Variants in PACSIN2 observed in about 807,000 individuals in gnomAD.
PACSIN2 encodes the protein protein kinase C and casein kinase substrate in neurons 2.
Under a neutral mutation model 63.8 loss-of-function variants are expected in PACSIN2, and 25 were observed. The ratio of observed to expected loss-of-function variants is 0.39; its 90% CI spans 0.29 to 0.55. PACSIN2 has a LOEUF of 0.55. Ranked by LOEUF, PACSIN2 falls within the 20% of genes least tolerant of loss-of-function variation. PACSIN2 has a pLI of 0.62. For missense variants in PACSIN2, 518 were observed against 646.9 expected (o/e 0.80, Z 2.16); for synonymous variants, 255 against 256.2 (o/e 1.00, Z 0.05).
At chr22:42,919,118 A>G (rs1931998094) in intron 1 of PACSIN2, among the ~76,000 whole-genome samples, 1 of 152,212 alleles carries the variant, frequency 6.6e-6, no homozygotes, top group Non-Finnish European at 1.5e-5. Flanking sequence ...TTAATGCAAA[A>G]AATATGTAAA....
chr22:42,953,564 G>A (rs1933790803), intron 1 of PACSIN2, among the ~76,000 whole-genome samples: 1 of 152,082 alleles, frequency 6.6e-6, no homozygotes, highest in African/African-American at 2.4e-5. Flanking sequence ...CAGAGGAAGG[G>A]AATTTATCTA....
At position 42,871,570 on chromosome 22, in the gene PACSIN2, C is replaced by A. The variant is rs1293246742; in HGVS notation, c.1349-101G>T. The stretch of plus-strand genomic sequence containing the variant: ...TTTGAGCCCACAGAGGGTGGAGGGC[C>A]AGGCATTCTGTGGCGGGCAGGCCGA... On this transcript the variant is annotated intron_variant, in intron 10 of 10. Transcript: ENST00000263246. The surrounding 1 kb of genome is among the most constrained non-coding windows in gnomAD (Gnocchi z 5.4). 3.3e-6 allele frequency: 3 copies of A among 918,102 alleles called. No individual in the cohort carries two copies. The highest frequency in any genetic ancestry group is 2.5e-5 in the East Asian group (1 of 40,662). 56.9% of individuals were successfully genotyped at this position (918,102 alleles called of 1,614,324 possible). A position where few individuals can be genotyped will look rare whatever the true frequency, so the allele number is the denominator to read the frequency against.
At chr22:42,924,978 C>G (rs1319822132) in intron 1 of PACSIN2, among the ~76,000 whole-genome samples, 1 of 151,504 alleles carries the variant, frequency 6.6e-6, no homozygotes, top group Non-Finnish European at 1.5e-5. Flanking sequence ...AGGATGATCT[C>G]GATCTCCTGA....
At chr22:42,884,272 G>A in intron 6 of PACSIN2, 114 bp downstream of exon 6, 4 of 920,052 alleles carry the variant, frequency 4.3e-6, no homozygotes, top group Non-Finnish European at 6.8e-6. Flanking sequence ...GGGCGGTGAG[G>A]AGACCTCCTG....
In PACSIN2 at chr22:43,007,251, C is replaced by T. The variant is rs141124387; in HGVS notation, c.-78+7770G>A. Among the ~76,000 whole-genome samples the T allele has an allele frequency of 8.6e-3, 1,283 of 149,098 alleles. 17 individuals carry two copies. Among genetic ancestry groups the T allele is most frequent in the Middle Eastern group, 0.049 (14 of 288 alleles). ...TTTTTTTTTTTGAGACAGTCTCGCTCTGTCACCCAGGCTGGAATGAAGTAG... is the reference window on the plus strand; with the variant it reads ...TTTTTTTTTTTGAGACAGTCTCGCTTTGTCACCCAGGCTGGAATGAAGTAG... On this transcript the variant is annotated intron_variant, in intron 1 of 10. Coordinates refer to ENST00000263246, the MANE Select transcript of PACSIN2 (RefSeq NM_001184970.3).
At chr22:42,989,109 G>A (rs1922829013) in intron 1 of PACSIN2, among the ~76,000 whole-genome samples, 1 of 152,102 alleles carries the variant, frequency 6.6e-6, no homozygotes, top group Non-Finnish European at 1.5e-5. Flanking sequence ...AAACTCCTAG[G>A]CTCACGAAAT....
At chr22:42,889,516 G>C (rs1398761771) in intron 4 of PACSIN2, among the ~76,000 whole-genome samples, 1 of 152,138 alleles carries the variant, frequency 6.6e-6, no homozygotes, top group Non-Finnish European at 1.5e-5. Context: ...AATGGGGCCA[G>C]GGACAAAACA....
intron 1 of PACSIN2, among the ~76,000 whole-genome samples, chr22:42,961,859 T>C (rs1406987411): frequency 2.6e-5 from 4 of 152,206 alleles, no homozygotes; most frequent in Admixed American, 2.6e-4. Context: ...ACTTGACATA[T>C]GATAATAATT....
Position 42,938,224 on chromosome 22 carries a change from G to A in PACSIN2, c.-77-26067C>T, listed in dbSNP as rs191774179. Among the ~76,000 whole-genome samples the A allele has an allele frequency of 2.8e-3, 419 of 152,342 alleles. 2 individuals are homozygous for A. Among genetic ancestry groups the A allele is most frequent in the Non-Finnish European group, 4.1e-3 (281 of 68,024 alleles). On this transcript the variant is annotated intron_variant, in intron 1 of 10. Coordinates refer to ENST00000263246, the MANE Select transcript of PACSIN2 (RefSeq NM_001184970.3). The stretch of plus-strand genomic sequence containing the variant: ...CCAAGTTGTTTCCTGGGCTCGCGAA[G>A]CAGCAGAAGGTATGAATAGAGAATG...
chr22:42,941,900 C>A (rs1040437064), intron 1 of PACSIN2, among the ~76,000 whole-genome samples: 2 of 152,126 alleles, frequency 1.3e-5, no homozygotes, highest in Non-Finnish European at 2.9e-5. Context: ...CCTCAGCCTC[C>A]TGAGTAGCTG....
intron 1 of PACSIN2, among the ~76,000 whole-genome samples, chr22:42,915,004 C>T (rs2267473): frequency 0.45 from 67,681 of 151,958 alleles, 15,610 homozygotes; most frequent in Non-Finnish European, 0.48. Flanking sequence ...GCTGGGACTA[C>T]AGGCACGTGC....
At chr22:43,004,978 T>C (rs970277009) in intron 1 of PACSIN2, among the ~76,000 whole-genome samples, 3 of 152,268 alleles carry the variant, frequency 2.0e-5, no homozygotes, top group African/African-American at 7.2e-5. Flanking sequence ...GAAAGCTTCT[T>C]GGTAAAATGC....
intron 1 of PACSIN2, among the ~76,000 whole-genome samples, chr22:42,979,314 G>A (rs1028976661): frequency 1.6e-4 from 24 of 151,802 alleles, no homozygotes; most frequent in African/African-American, 4.4e-4. Context: ...ACCTAAGATC[G>A]GGAGTTTGAG....
intron 1 of PACSIN2, among the ~76,000 whole-genome samples, chr22:42,926,318 G>A (rs1932531327): frequency 6.6e-6 from 1 of 152,176 alleles, no homozygotes; most frequent in Admixed American, 6.5e-5. Flanking sequence ...AGGCCCTCCA[G>A]AAGCACCCAT....
rs182179466 is a variant in PACSIN2 at position 43,008,006 on chromosome 22, C to A, written c.-78+7015G>T. On this transcript the variant is annotated intron_variant, in intron 1 of 10. Coordinates refer to ENST00000263246, the MANE Select transcript of PACSIN2 (RefSeq NM_001184970.3). ...CTTAATGGAGTGCCCCAGCTGGCTG[C>A]AACTCTATCAATAGTCACATCACAC... 2.0e-5 allele frequency among the ~76,000 whole-genome samples: 3 copies of A among 152,276 alleles called. No homozygotes were observed. The East Asian group carries it at 5.8e-4, about 29-fold the overall frequency.
At chr22:43,000,257 C>G (rs762657989) in intron 1 of PACSIN2, among the ~76,000 whole-genome samples, 9 of 152,236 alleles carry the variant, frequency 5.9e-5, no homozygotes, top group Non-Finnish European at 8.8e-5. Context: ...AAAAGCCAGC[C>G]ATCCTGGACA....
intron 1 of PACSIN2, among the ~76,000 whole-genome samples, chr22:42,943,593 G>T (rs1471340514): frequency 6.6e-6 from 1 of 152,096 alleles, no homozygotes; most frequent in Non-Finnish European, 1.5e-5. Flanking sequence ...ATGAAGAGGT[G>T]TTGCTTGGGG....
intron 1 of PACSIN2, among the ~76,000 whole-genome samples, chr22:42,979,978 C>G (rs992293249): frequency 2.0e-5 from 3 of 152,066 alleles, no homozygotes; most frequent in Admixed American, 6.5e-5. Context: ...TATAAATACA[C>G]ATACATGCTT....
chr22:42,932,025 C>T (rs1327184743), intron 1 of PACSIN2, among the ~76,000 whole-genome samples: 1 of 152,174 alleles, frequency 6.6e-6, no homozygotes, highest in Non-Finnish European at 1.5e-5. Context: ...CATGTCACTT[C>T]CCTTCTCTAA....
Sources: allele counts gnomAD v4.1 joint callset (sites outside exome capture counted in the v4.1 genomes callset), GRCh38; gene constraint gnomAD v4.1.1; non-coding constraint Gnocchi (gnomAD v3.1); transcripts MANE v1.5; gene names NCBI Gene and HGNC (gene_info 2026-07-23, HGNC 2026-07-21).